The following C1orf50 variants were observed in gnomAD, a reference collection of about 807,000 sequenced individuals.
C1orf50 encodes the protein chromosome 1 open reading frame 50.
C1orf50 carries 22 observed loss-of-function variants against 23.3 expected under a neutral mutation model. That is an observed-to-expected ratio of 0.94 (90% confidence interval 0.67 to 1.35). C1orf50 has a LOEUF of 1.35. Among genes scored for constraint, C1orf50 ranks in the 40% most tolerant of loss-of-function variants. The pLI is 0.00. For missense variants in C1orf50, 271 were observed against 249.4 expected (o/e 1.09, Z -0.58); for synonymous variants, 96 against 102.4 (o/e 0.94, Z 0.38).
In C1orf50 at chr1:42,767,301, A is replaced by T; in HGVS notation, c.-11A>T. On this transcript the variant is annotated 5_prime_UTR_variant, in exon 1 of 5. The change abolishes the stop of an existing upstream ORF in the 5' untranslated region. Transcript: ENST00000372525. Reference sequence around the variant, plus strand: ...GCACAGCCCAGGGAGTGGGGAGGATAAGGCGCTGTCATGGAGGACGCCGCC... The same window carrying T: ...GCACAGCCCAGGGAGTGGGGAGGATTAGGCGCTGTCATGGAGGACGCCGCC... 2.0e-6 allele frequency: 3 copies of T among 1,498,974 alleles called. No individual in the cohort carries two copies. Among genetic ancestry groups the T allele is most frequent in the Non-Finnish European group, 1.8e-6 (2 of 1,129,812 alleles). The allele number at this position is 1,498,974 out of a possible 1,614,324, so 92.9% of individuals were successfully genotyped here. A position where few individuals can be genotyped will look rare whatever the true frequency, so the allele number is the denominator to read the frequency against.
chr1:42,774,886 T>G lies in C1orf50; in HGVS notation c.414+18T>G, dbSNP rs377457889. 48 of 1,596,398 alleles carry G rather than the reference T, an allele frequency of 3.0e-5. 1 individual carries two copies. The highest frequency in any genetic ancestry group is 4.1e-5 in the Non-Finnish European group (48 of 1,169,148). On this transcript the variant is annotated intron_variant, in intron 4 of 4. Transcript: ENST00000372525. ...CTCCAAAGGTAAGAACATACATTGT[T>G]TGCCCAAAAATCTACTCCAGCCTCT...
At position 42,775,938 on chromosome 1, in the gene C1orf50, CAG is replaced by C. The variant is rs984821495; in HGVS notation, c.*549_*550del. The stretch of plus-strand genomic sequence containing the variant: ...AAAAAAACACTTGGCTTGGCTGGAC[CAG>C]AGAGTGTGTGATTCTGGGATTTCTG... On this transcript the variant is annotated 3_prime_UTR_variant, in exon 5 of 5. Coordinates refer to ENST00000372525, the MANE Select transcript of C1orf50 (RefSeq NM_024097.4). The C allele has an allele frequency of 2.6e-5, 4 of 151,344 alleles. No homozygotes were observed. Among genetic ancestry groups the C allele is most frequent in the Admixed American group, 6.6e-5 (1 of 15,206 alleles). 9.4% of individuals were successfully genotyped at this position (151,344 alleles called of 1,614,324 possible).
chr1:42,773,450 G>A (rs934827525), intron 2 of C1orf50, 113 bp from the exon 3 acceptor site: 4 of 652,634 alleles, frequency 6.1e-6, no homozygotes, highest in African/African-American at 5.6e-5. Context: ...GCAAGAATGG[G>A]AAAAATATTT....
intron 2 of C1orf50, chr1:42,773,205 T>C (rs1653260486): frequency 6.4e-6 from 1 of 157,040 alleles, no homozygotes; most frequent in African/African-American, 2.4e-5. Flanking sequence ...AAAAATGGAT[T>C]GGTTGGAGGA....
At chr1:42,773,858 T>C (rs1390936267) in intron 3 of C1orf50, among the ~76,000 whole-genome samples, 1 of 152,238 alleles carries the variant, frequency 6.6e-6, no homozygotes, top group Non-Finnish European at 1.5e-5. Flanking sequence ...GGTTTGCTCT[T>C]GTTGCCCAGG....
Position 42,767,252 on chromosome 1 carries a change from T to A in C1orf50, c.-60T>A. The A allele has an allele frequency of 4.8e-6, 7 of 1,453,468 alleles. No individual in the cohort carries two copies. Among genetic ancestry groups the A allele is most frequent in the Non-Finnish European group, 6.4e-6 (7 of 1,100,970 alleles). The allele number at this position is 1,453,468 out of a possible 1,614,324, so 90.0% of individuals were successfully genotyped here. ...AAGACGGAAGCTCCGCCCACGCGCC[T>A]TTATGCGCAGGCTCTTCCTACTCGC... On this transcript the variant is annotated 5_prime_UTR_variant, in exon 1 of 5. Transcript: ENST00000372525.
chr1:42,767,402 G>T lies in C1orf50; in HGVS notation c.79+12G>T. 1 of 1,556,662 alleles carries T rather than the reference G, an allele frequency of 6.4e-7. No individual in the cohort carries two copies. The highest frequency in any genetic ancestry group is 8.7e-7 in the Non-Finnish European group (1 of 1,151,752). On this transcript the variant is annotated intron_variant, in intron 1 of 4. Transcript: ENST00000372525. The stretch of plus-strand genomic sequence containing the variant: ...TGCAGGCCAGGGAGGTATGCGGGGC[G>T]GGAGTCAGCAGGGGGAAGTCAGCTC...
In C1orf50 at chr1:42,777,771, AAG is replaced by A. The variant is rs1653369280; in HGVS notation, c.*2378_*2379del. 6.6e-6 allele frequency: 1 copy of A among 152,162 alleles called. No homozygotes were observed. Among genetic ancestry groups the A allele is most frequent in the African/African-American group, 2.4e-5 (1 of 41,444 alleles). 9.4% of individuals were successfully genotyped at this position (152,162 alleles called of 1,614,324 possible). On this transcript the variant is annotated 3_prime_UTR_variant, in exon 5 of 5. Transcript: ENST00000372525. ...GAAGAAAGGAAAATTCTAGGTAAAA[AAG>A]GCAATATTACTAAGTGGTTAAGTGT...
intron 2 of C1orf50, among the ~76,000 whole-genome samples, chr1:42,770,353 G>T (rs1653189324): frequency 2.0e-5 from 3 of 151,836 alleles, no homozygotes; most frequent in African/African-American, 7.3e-5. Context: ...TTATTATAAG[G>T]CCACCCCTAA....
At chr1:42,770,977 C>T (rs1262506942) in intron 2 of C1orf50, among the ~76,000 whole-genome samples, 2 of 152,028 alleles carry the variant, frequency 1.3e-5, no homozygotes, top group African/African-American at 2.4e-5. Context: ...TGAAGAAGAC[C>T]GTACCCTACC....
At position 42,776,276 on chromosome 1, in the gene C1orf50, C is replaced by T. The variant is rs1167813104; in HGVS notation, c.*882C>T. ...AGCCAAATTGTTGACTGTGAGTTAA[C>T]TCAGATTGAAATCCATTTTGACCAG... is the stretch of plus-strand genomic sequence containing the variant. On this transcript the variant is annotated 3_prime_UTR_variant, in exon 5 of 5. Coordinates refer to ENST00000372525, the MANE Select transcript of C1orf50 (RefSeq NM_024097.4). 1 of 152,210 alleles carries T rather than the reference C, an allele frequency of 6.6e-6. No individual in the cohort carries two copies. Among genetic ancestry groups the T allele is most frequent in the East Asian group, 1.9e-4 (1 of 5,200 alleles). 9.4% of individuals were successfully genotyped at this position (152,210 alleles called of 1,614,324 possible).
At chr1:42,767,454 C>T (rs1232357006) in intron 1 of C1orf50, 55 bp from the exon 2 acceptor site, 14 of 1,553,936 alleles carry the variant, frequency 9.0e-6, no homozygotes, top group Non-Finnish European at 1.2e-5. Context: ...CTCGGGGCTC[C>T]GCGGGAGGCC....
At chr1:42,770,433 T>C (rs972977352) in intron 2 of C1orf50, among the ~76,000 whole-genome samples, 3 of 151,726 alleles carry the variant, frequency 2.0e-5, no homozygotes, top group Non-Finnish European at 4.4e-5. Context: ...CTTTCTTTCT[T>C]TCTTTTTTTT....
In C1orf50 at chr1:42,774,751, TCA is replaced by T; in HGVS notation, c.300_301del (p.His100GlnfsTer11). ...EQARKVLEDA[H>X]RDANLHHVAC... ...GTGATTCATAGGTACTGGAAGATGCTCACAGAGATGCCAACCTGCACCATGTA... is the reference window on the plus strand; with the variant it reads ...GTGATTCATAGGTACTGGAAGATGCTCAGAGATGCCAACCTGCACCATGTA... On this transcript the variant is annotated frameshift_variant, in exon 4 of 5. Transcript: ENST00000372525. LOFTEE classifies it high-confidence loss of function. The T allele has an allele frequency of 6.2e-7, 1 of 1,611,956 alleles. No homozygotes were observed. Among genetic ancestry groups the T allele is most frequent in the Non-Finnish European group, 8.5e-7 (1 of 1,178,306 alleles).
At chr1:42,775,106 T>C in intron 4 of C1orf50, 103 bp from the exon 5 acceptor site, 1 of 1,144,184 alleles carries the variant, frequency 8.7e-7, no homozygotes, top group Non-Finnish European at 1.3e-6. Context: ...TTCTGACTAG[T>C]ATGAAGTGAA....
intron 2 of C1orf50, among the ~76,000 whole-genome samples, chr1:42,768,922 A>C (rs1653156248): frequency 6.6e-6 from 1 of 152,224 alleles, no homozygotes; most frequent in South Asian, 2.1e-4. Context: ...TGAAGAAAAA[A>C]AAAACTTTAG....
intron 2 of C1orf50, 169 bp from the exon 3 acceptor site, chr1:42,773,386 ATGACAGTG>A (rs1353588994): frequency 2.4e-5 from 12 of 492,366 alleles, no homozygotes; most frequent in Non-Finnish European, 4.1e-5. Flanking sequence ...TGGCCTTCTC[ATGACAGTG>A]CTATCTGAGT....
chr1:42,769,719 C>G (rs1393911824), intron 2 of C1orf50: 3 of 150,660 alleles, frequency 2.0e-5, no homozygotes, highest in Non-Finnish European at 4.4e-5. Flanking sequence ...GGCAGACGCC[C>G]GTAATTCCAG....
At chr1:42,768,514 C>T (rs1653139303) in intron 2 of C1orf50, among the ~76,000 whole-genome samples, 1 of 151,964 alleles carries the variant, frequency 6.6e-6, no homozygotes, top group Admixed American at 6.6e-5. Context: ...TGCTCAAATT[C>T]CCTCACATCT....
Sources: gnomAD v4.1 joint callset for allele counts (sites outside exome capture counted in the v4.1 genomes callset) on GRCh38, gnomAD v4.1.1 for gene constraint, MANE v1.5 for transcripts, NCBI Gene and HGNC (gene_info 2026-07-23, HGNC 2026-07-21) for gene names.